RMP24: variants seen among roughly 807,000 people sequenced by gnomAD.
RMP24 encodes the protein ribonuclease MRP subunit p24, also known as ribonuclease MRP protein subunit p24.
chr18:35,978,973 C>A, the RMP24 span: 2 of 1,610,258 alleles, frequency 1.2e-6, no homozygotes, highest in Non-Finnish European at 1.7e-6. Flanking sequence ...TCAGAAATTT[C>A]TTATCTTCTC....
At chr18:35,974,610 A>G in the RMP24 span, among the ~76,000 whole-genome samples, 1 of 152,270 alleles carries the variant, frequency 6.6e-6, no homozygotes, top group Non-Finnish European at 1.5e-5. Flanking sequence ...AGTAGCAAGT[A>G]ATGAGAAGTG....
chr18:35,972,849 T>C, the RMP24 span: 1 of 1,614,194 alleles, frequency 6.2e-7, no homozygotes. Flanking sequence ...GGGTAGGTGT[T>C]CCTTTGCTCC....
chr18:35,978,462 TTA>T, the RMP24 span, among the ~76,000 whole-genome samples: 2 of 152,152 alleles, frequency 1.3e-5, no homozygotes, highest in Non-Finnish European at 2.9e-5. Flanking sequence ...ATACAAAAGA[TTA>T]GCCAGGCGTA....
the RMP24 span, chr18:35,978,989 G>A: frequency 1.3e-6 from 2 of 1,583,962 alleles, no homozygotes. Context: ...TTCTCTGAAG[G>A]GTGGACTTTT....
the RMP24 span, among the ~76,000 whole-genome samples, chr18:35,976,960 ACT>A: frequency 7.9e-5 from 12 of 152,138 alleles, no homozygotes; most frequent in African/African-American, 2.9e-4. Flanking sequence ...GGGCACAGTG[ACT>A]CAAGCCTGTA....
the RMP24 span, chr18:35,972,918 C>A: frequency 6.2e-7 from 1 of 1,614,064 alleles, no homozygotes; most frequent in Admixed American, 1.7e-5. Context: ...GTAAGAAGAA[C>A]GCCTGTCTCT....
the RMP24 span, chr18:35,972,938 G>A: frequency 1.9e-6 from 3 of 1,613,694 alleles, no homozygotes; most frequent in African/African-American, 4.0e-5. Flanking sequence ...TTGTGCTTTG[G>A]GCTCTTGTCG....
At chr18:35,975,212 T>A in the RMP24 span, 3 of 763,234 alleles carry the variant, frequency 3.9e-6, no homozygotes, top group South Asian at 1.9e-5. Context: ...ATATTTGGAT[T>A]ATCAAAATAT....
chr18:35,974,904 A>G, the RMP24 span: 4 of 1,612,604 alleles, frequency 2.5e-6, no homozygotes, highest in Non-Finnish European at 3.4e-6. Context: ...AGATGATAAG[A>G]GCACTTTTGA....
the RMP24 span, chr18:35,972,953 G>T: frequency 6.2e-7 from 1 of 1,610,604 alleles, no homozygotes; most frequent in Non-Finnish European, 8.5e-7. Flanking sequence ...TTGTCGCCCC[G>T]CTTTCCTCTG....
At chr18:35,978,461 A>G in the RMP24 span, among the ~76,000 whole-genome samples, 1 of 152,174 alleles carries the variant, frequency 6.6e-6, no homozygotes, top group Non-Finnish European at 1.5e-5. Flanking sequence ...AATACAAAAG[A>G]TTAGCCAGGC....
At chr18:35,978,972 TC>T in the RMP24 span, 6 of 1,610,332 alleles carry the variant, frequency 3.7e-6, 1 homozygote, top group South Asian at 6.7e-5. Context: ...TTCAGAAATT[TC>T]TTATCTTCTC....
chr18:35,977,724 C>A, the RMP24 span: 1 of 936,920 alleles, frequency 1.1e-6, no homozygotes. Flanking sequence ...TCCTCCATAC[C>A]CTTTTCTAAT....
At chr18:35,978,795 A>G in the RMP24 span, 3 of 1,518,090 alleles carry the variant, frequency 2.0e-6, no homozygotes, top group South Asian at 1.3e-5. Flanking sequence ...AATGATTGTC[A>G]TTTGTTGGTA....
chr18:35,978,758 A>G, the RMP24 span: 5 of 1,259,548 alleles, frequency 4.0e-6, no homozygotes, highest in Admixed American at 2.5e-5. Context: ...CAGTGCATGT[A>G]TATGGCCATA....
chr18:35,978,871 C>G, the RMP24 span: 15 of 1,612,286 alleles, frequency 9.3e-6, no homozygotes, highest in Non-Finnish European at 1.3e-5. Flanking sequence ...CTACTTGCTC[C>G]TCAAAGAACA....
At chr18:35,979,048 A>G in the RMP24 span, 1 of 1,507,282 alleles carries the variant, frequency 6.6e-7, no homozygotes, top group Non-Finnish European at 8.9e-7. Flanking sequence ...TTGGTAAAAC[A>G]ACTTTTTAAA....
the RMP24 span, among the ~76,000 whole-genome samples, chr18:35,974,424 G>T: frequency 2.0e-5 from 3 of 152,174 alleles, no homozygotes; most frequent in South Asian, 6.2e-4. Context: ...AAGTTTAAGT[G>T]TGGTCTTTAG....
chr18:35,975,741 T>TA, the RMP24 span, among the ~76,000 whole-genome samples: 1 of 152,260 alleles, frequency 6.6e-6, no homozygotes. Flanking sequence ...AAGTGCCTGC[T>TA]TATTGTCTAT....
Sources: gnomAD v4.1 joint callset for allele counts (sites outside exome capture counted in the v4.1 genomes callset) on GRCh38, gnomAD v4.1.1 for gene constraint, MANE v1.5 for transcripts, NCBI Gene and HGNC (gene_info 2026-07-23, HGNC 2026-07-21) for gene names.